The following EYS variants were observed in gnomAD, a reference collection of about 807,000 sequenced individuals.
EYS encodes protein eyes shut homolog.
A neutral mutation model predicts 282.1 loss-of-function variants in EYS; 250 were observed. That is an observed-to-expected ratio of 0.89 (90% CI 0.80 to 0.98). EYS has a LOEUF of 0.98. Among genes scored for constraint, EYS ranks in the 50% least tolerant of loss-of-function variants. EYS has a pLI of 0.00. For missense variants in EYS, 4,016 were observed against 3,709.0 expected, an observed-to-expected ratio of 1.08 and a Z score of -2.15; for synonymous variants, 1,355 against 1,282.9, an observed-to-expected ratio of 1.06 and a Z score of -1.20.
intron 22 of EYS, among the ~76,000 whole-genome samples, chr6:64,666,873 C>T (rs777172507): frequency 2.0e-5 from 3 of 152,112 alleles, no homozygotes; most frequent in African/African-American, 4.8e-5. Flanking sequence ...CCTCATCAGT[C>T]GACTCCTTTG....
intron 31 of EYS, among the ~76,000 whole-genome samples, chr6:64,110,181 A>T (rs906676285): frequency 8.6e-5 from 12 of 139,828 alleles, no homozygotes; most frequent in African/African-American, 1.9e-4. Flanking sequence ...CTTTTTTTTT[A>T]AAAAGTAAGC....
intron 19 of EYS, among the ~76,000 whole-genome samples, chr6:64,842,207 T>TTACATTAC (rs1765582882): frequency 6.6e-6 from 1 of 151,478 alleles, no homozygotes; most frequent in South Asian, 2.1e-4. Context: ...TTACATAAGG[T>TTACATTAC]CTGGAACAAC....
rs184853771 is a variant in EYS, at chr6:65,361,105, G to T, written c.1300-7488C>A. On this transcript the variant is annotated intron_variant, in intron 8 of 42. Coordinates refer to ENST00000503581, the MANE Select transcript of EYS (RefSeq NM_001142800.2). ...ATACCATCATTCTCAGCAAACTATC[G>T]CAAGGACAAAAAAACAAACACCGCA... Among the ~76,000 whole-genome samples, 224 of 91,534 alleles carry T rather than the reference G, an allele frequency of 2.4e-3. 2 individuals are homozygous for T. The East Asian group carries it at 0.044, about 18-fold the overall frequency. The allele number at this position is 91,534 out of a possible 152,430, so 60.0% of individuals were successfully genotyped here. A position where few individuals can be genotyped will look rare whatever the true frequency, so the allele number is the denominator to read the frequency against.
chr6:64,625,845 G>A (rs1304453168), intron 23 of EYS, among the ~76,000 whole-genome samples: 1 of 152,156 alleles, frequency 6.6e-6, no homozygotes, highest in Non-Finnish European at 1.5e-5. Flanking sequence ...TCAGAAGTAT[G>A]AGGCTTACAT....
chr6:64,420,319 T>C (rs1403191988), intron 28 of EYS, among the ~76,000 whole-genome samples: 1 of 152,116 alleles, frequency 6.6e-6, no homozygotes, highest in East Asian at 1.9e-4. Context: ...CTATGAACCA[T>C]ATTTTCCTCT....
intron 15 of EYS, among the ~76,000 whole-genome samples, chr6:64,926,918 T>G (rs1375023297): frequency 2.0e-5 from 3 of 152,188 alleles, no homozygotes; most frequent in Non-Finnish European, 4.4e-5. Flanking sequence ...ATAAAGACTA[T>G]ACAGGCGATA....
intron 39 of EYS, among the ~76,000 whole-genome samples, chr6:63,784,145 T>TA (rs985785419): frequency 6.6e-6 from 1 of 152,148 alleles, no homozygotes; most frequent in African/African-American, 2.4e-5. Context: ...TCCTTGTTCT[T>TA]AGGGTTTCAG....
chr6:63,853,988 T>C (rs1310622031), intron 36 of EYS, among the ~76,000 whole-genome samples: 2 of 152,176 alleles, frequency 1.3e-5, no homozygotes, highest in Admixed American at 6.5e-5. Flanking sequence ...GAAATAGGAA[T>C]GCTTTTACAC....
intron 11 of EYS, among the ~76,000 whole-genome samples, chr6:65,310,002 A>G (rs1263231362): frequency 1.3e-5 from 2 of 152,168 alleles, no homozygotes; most frequent in Non-Finnish European, 2.9e-5. Flanking sequence ...TTGGATCACA[A>G]TACTATCTTG....
In EYS at chr6:64,590,654, T is replaced by A. The variant is rs1766376015; in HGVS notation, c.5213A>T (p.His1738Leu). 5 of 1,551,198 alleles carry A rather than the reference T, an allele frequency of 3.2e-6. No homozygotes were observed. Among genetic ancestry groups the A allele is most frequent in the Non-Finnish European group, 3.5e-6 (4 of 1,146,758 alleles). Residue 1738 changes from histidine (H) to leucine (L), a missense_variant, in exon 26 of 43, where the codon CAC becomes CTC. Transcript: ENST00000503581. ...AAAATCCAGAGAACTATCACTTGGG[T>A]GAAGTTTGAACAGTGTATGAGATCC... ...SKGSHTLFKL[H>L]PSDSSLDFEL...
At chr6:64,238,788 A>G (rs931641185) in intron 30 of EYS, among the ~76,000 whole-genome samples, 17 of 152,148 alleles carry the variant, frequency 1.1e-4, no homozygotes, top group African/African-American at 3.9e-4. Flanking sequence ...GTTCTAGGGT[A>G]TATGTGCAGA....
At chr6:65,604,847 T>C (rs1314622617) in intron 2 of EYS, among the ~76,000 whole-genome samples, 3 of 148,616 alleles carry the variant, frequency 2.0e-5, no homozygotes, top group African/African-American at 4.9e-5. Flanking sequence ...GCCCCCTTTT[T>C]TTTTTTTTTT....
chr6:64,437,505 T>C (rs1471244105), intron 27 of EYS, among the ~76,000 whole-genome samples: 1 of 151,714 alleles, frequency 6.6e-6, no homozygotes, highest in Non-Finnish European at 1.5e-5. Flanking sequence ...AGCTAGATGA[T>C]CAGAGTTCAA....
intron 12 of EYS, among the ~76,000 whole-genome samples, chr6:65,095,661 A>C (rs1483919691): frequency 2.0e-5 from 3 of 151,200 alleles, no homozygotes; most frequent in African/African-American, 7.2e-5. Context: ...AATAATTAAC[A>C]TTAATTCTTT....
intron 29 of EYS, among the ~76,000 whole-genome samples, chr6:64,361,038 G>A (rs1406332839): frequency 1.3e-5 from 2 of 151,662 alleles, no homozygotes; most frequent in Non-Finnish European, 1.5e-5. Context: ...CAAACATGCT[G>A]TAGGTTTGTT....
chr6:64,506,991 A>G (rs1312672845), intron 26 of EYS, among the ~76,000 whole-genome samples: 1 of 119,498 alleles, frequency 8.4e-6, no homozygotes, highest in Non-Finnish European at 1.6e-5. Flanking sequence ...TTTTTTTGAG[A>G]TGGAGTCTCG....
intron 15 of EYS, among the ~76,000 whole-genome samples, chr6:64,921,971 T>G (rs1435281646): frequency 6.6e-6 from 1 of 150,800 alleles, no homozygotes; most frequent in Non-Finnish European, 1.5e-5. Flanking sequence ...AGAACAAAAA[T>G]TAAAAAAAAA....
At chr6:64,038,732 T>C (rs1289111384) in intron 33 of EYS, among the ~76,000 whole-genome samples, 3 of 152,084 alleles carry the variant, frequency 2.0e-5, no homozygotes, top group Admixed American at 1.3e-4. Flanking sequence ...CTTCACAAAG[T>C]AGAACATTTT....
intron 21 of EYS, among the ~76,000 whole-genome samples, chr6:64,814,355 C>T (rs946205301): frequency 9.9e-5 from 15 of 152,014 alleles, no homozygotes; most frequent in African/African-American, 3.1e-4. Flanking sequence ...ATATCACCCA[C>T]CTCATATGGT....
Sources: gnomAD v4.1 joint callset for allele counts (sites outside exome capture counted in the v4.1 genomes callset) on GRCh38, gnomAD v4.1.1 for gene constraint, MANE v1.5 for transcripts, NCBI Gene and HGNC (gene_info 2026-07-23, HGNC 2026-07-21) for gene names.